The following SYNE1 variants were observed in gnomAD, a reference collection of about 807,000 sequenced individuals.
SYNE1 encodes spectrin repeat containing nuclear envelope protein 1, also known as nesprin-1.
In SYNE1, 616 loss-of-function variants were observed where a neutral mutation model predicts 1,111.0. The ratio of observed to expected loss-of-function variants is 0.55; its 90% CI spans 0.52 to 0.59. The LOEUF is 0.59. SYNE1 is among the 20% of genes least tolerant of loss of function. The pLI is 0.00. For missense variants in SYNE1, 10,006 were observed against 10,417.0 expected, an observed-to-expected ratio of 0.96 and a Z score of 1.72; for synonymous variants, 3,855 against 3,825.8, an observed-to-expected ratio of 1.01 and a Z score of -0.28.
chr6:152,232,623 G>A (rs1336559572), intron 112 of SYNE1, among the ~76,000 whole-genome samples: 1 of 152,072 alleles, frequency 6.6e-6, no homozygotes, highest in Non-Finnish European at 1.5e-5. Context: ...TAATTATCTT[G>A]TAAAATCTCT....
chr6:152,472,745 C>A, intron 14 of SYNE1: 1 of 646,338 alleles, frequency 1.5e-6, no homozygotes, highest in South Asian at 1.8e-5. Flanking sequence ...GTATTTTTTG[C>A]CTTTCTGGAT....
intron 17 of SYNE1, 29 bp downstream of exon 17, chr6:152,465,953 G>A (rs200939182): frequency 1.1e-5 from 16 of 1,505,612 alleles, no homozygotes; most frequent in East Asian, 2.3e-5. Flanking sequence ...TGCAGTCTAC[G>A]TTGCAACAAA....
At chr6:152,515,038 G>A (rs1025459278) in intron 6 of SYNE1, among the ~76,000 whole-genome samples, 3 of 152,006 alleles carry the variant, frequency 2.0e-5, no homozygotes, top group Non-Finnish European at 4.4e-5. Context: ...CCTGGCCAAT[G>A]TGGTGAAACT....
intron 6 of SYNE1, among the ~76,000 whole-genome samples, chr6:152,513,795 C>G (rs1043555063): frequency 2.6e-5 from 4 of 151,982 alleles, no homozygotes; most frequent in African/African-American, 9.7e-5. Flanking sequence ...AAAAAACAAA[C>G]AACTCCATCA....
chr6:152,568,420 A>C (rs1435605371), intron 3 of SYNE1, among the ~76,000 whole-genome samples: 1 of 149,892 alleles, frequency 6.7e-6, no homozygotes, highest in South Asian at 2.1e-4. Flanking sequence ...CTTGTGCCTC[A>C]GCCTCCCAAG....
intron 58 of SYNE1, among the ~76,000 whole-genome samples, chr6:152,373,749 T>C (rs548555163): frequency 1.8e-4 from 28 of 152,222 alleles, no homozygotes; most frequent in African/African-American, 6.0e-4. Flanking sequence ...ATATTAAAAA[T>C]TTGATAAAAA....
At chr6:152,399,545 T>C in intron 48 of SYNE1, 71 bp downstream of exon 48, 2 of 1,577,312 alleles carry the variant, frequency 1.3e-6, no homozygotes, top group Admixed American at 3.3e-5. Context: ...TGCTGGCAGT[T>C]TCTAGGCAGC....
At chr6:152,426,993 A>T (rs1230990125) in intron 38 of SYNE1, among the ~76,000 whole-genome samples, 1 of 152,244 alleles carries the variant, frequency 6.6e-6, no homozygotes, top group Admixed American at 6.5e-5. Flanking sequence ...TCTGTAATAC[A>T]ATAAATCTTT....
intron 12 of SYNE1, 136 bp from the exon 13 acceptor site, chr6:152,485,108 T>A: frequency 9.8e-7 from 1 of 1,023,670 alleles, no homozygotes; most frequent in East Asian, 2.6e-5. Flanking sequence ...TAACGGTAGT[T>A]ATGATACTAA....
In SYNE1 at chr6:152,398,607, C is replaced by A. The variant is rs1484476511; in HGVS notation, c.7350+12G>T. 6.2e-7 allele frequency: 1 copy of A among 1,609,440 alleles called. No homozygotes were observed. Among genetic ancestry groups the A allele is most frequent in the Admixed American group, 1.7e-5 (1 of 60,002 alleles). ...TTTTGGGGAAGAAGGAAAAGGATGT[C>A]AGCTTCTATACCTGAAGATCATGGA... is the stretch of plus-strand genomic sequence containing the variant. On this transcript the variant is annotated intron_variant, in intron 49 of 145. Transcript: ENST00000367255.
rs370383922 is a variant in SYNE1, at chr6:152,406,678, A to G, written c.6723+336T>C. Among the ~76,000 whole-genome samples, 4 of 151,860 alleles carry G rather than the reference A, an allele frequency of 2.6e-5. No homozygotes were observed. The East Asian group carries it at 7.8e-4, about 30-fold the overall frequency. ...AGGTCAAGAGTTCAAGACCAGCCTG[A>G]CCAACATGGTGAAATCCCATCTCTA... On this transcript the variant is annotated intron_variant, in intron 45 of 145. Transcript: ENST00000367255.
chr6:152,399,098 A>C (rs1390160477), intron 48 of SYNE1, among the ~76,000 whole-genome samples: 2 of 152,222 alleles, frequency 1.3e-5, no homozygotes, highest in Non-Finnish European at 2.9e-5. Flanking sequence ...TTTTGATGGC[A>C]CAGGGAGGAA....
At chr6:152,491,103 A>G (rs1460967093) in intron 11 of SYNE1, among the ~76,000 whole-genome samples, 1 of 149,822 alleles carries the variant, frequency 6.7e-6, no homozygotes, top group Non-Finnish European at 1.5e-5. Flanking sequence ...CCCACATTCC[A>G]CTGGTGTCTG....
intron 126 of SYNE1, among the ~76,000 whole-genome samples, chr6:152,205,768 G>T (rs1028489643): frequency 1.3e-5 from 2 of 152,114 alleles, no homozygotes; most frequent in African/African-American, 2.4e-5. Context: ...TTCTGGATTG[G>T]TTTTTCCCTT....
intron 107 of SYNE1, 32 bp downstream of exon 107, chr6:152,242,208 T>G: frequency 1.9e-5 from 29 of 1,552,592 alleles, no homozygotes; most frequent in Non-Finnish European, 2.5e-5. Flanking sequence ...TCCAATTACA[T>G]TTTCTCTCTA....
intron 20 of SYNE1, 90 bp downstream of exon 20, chr6:152,462,648 G>T: frequency 6.5e-7 from 1 of 1,529,886 alleles, no homozygotes. Flanking sequence ...AGGAGACACA[G>T]AAACAGCTTT....
intron 3 of SYNE1, among the ~76,000 whole-genome samples, chr6:152,605,002 AAGAAAGAG>A (rs1356552131): frequency 6.4e-4 from 16 of 24,904 alleles, no homozygotes; most frequent in South Asian, 2.4e-3. Context: ...GAAAGAAAGA[AAGAAAGAG>A]AGAGAGAGAG....
At chr6:152,531,317 A>G (rs915571815) in intron 4 of SYNE1, among the ~76,000 whole-genome samples, 11 of 152,192 alleles carry the variant, frequency 7.2e-5, no homozygotes, top group Non-Finnish European at 1.5e-4. Context: ...AGTTACGGCC[A>G]GAGTAAATGA....
At chr6:152,239,232 C>T (rs2084956954) in intron 108 of SYNE1, among the ~76,000 whole-genome samples, 1 of 152,024 alleles carries the variant, frequency 6.6e-6, no homozygotes, top group Admixed American at 6.6e-5. Flanking sequence ...CTACATTTTT[C>T]ATACTCTTAA....
Sources: gnomAD v4.1 joint callset for allele counts (sites outside exome capture counted in the v4.1 genomes callset) on GRCh38, gnomAD v4.1.1 for gene constraint, MANE v1.5 for transcripts, NCBI Gene and HGNC (gene_info 2026-07-23, HGNC 2026-07-21) for gene names.